The following TJP3 variants were observed in gnomAD, a reference collection of about 807,000 sequenced individuals.
TJP3 encodes the protein tight junction protein 3.
In TJP3, 85 loss-of-function variants were observed where a neutral mutation model predicts 104.2. The ratio of observed to expected loss-of-function variants is 0.82; its 90% CI spans 0.68 to 0.98. The LOEUF is 0.98. TJP3 is among the 50% of genes least tolerant of loss of function. TJP3 has a pLI of 0.00. For synonymous variants in TJP3, 550 were observed against 550.6 expected (o/e 1.00, Z 0.02); for missense variants, 1,367 against 1,322.8 (o/e 1.03, Z -0.52).
chr19:3,722,986 G>A (rs184039744), intron 1 of TJP3, among the ~76,000 whole-genome samples: 1 of 151,762 alleles, frequency 6.6e-6, no homozygotes, highest in East Asian at 1.9e-4. Flanking sequence ...GGCGGGGGGC[G>A]GGGACAAAGA....
Position 3,730,429 on chromosome 19 carries a change from G to C in TJP3, c.336G>C (p.Ser112=). The change falls in exon 5 of 21, where the codon TCG becomes TCC. Residue 112 remains serine (S), a synonymous_variant. Transcript: ENST00000541714. This position sits in a 1 kb window ranked among gnomAD's most constrained non-coding sequence, Gnocchi z 7.3. The part of the protein sequence containing the change: ...ASPSSPGRQD[S]DEDDGPQRVE... ...CCTCCAGCCCAGGGCGCCAGGACTC[G>C]GATGAAGACGATGGGCCCCAGCGGG... The C allele has an allele frequency of 6.3e-7, 1 of 1,590,874 alleles. No individual in the cohort carries two copies. The highest frequency in any genetic ancestry group is 1.8e-5 in the Admixed American group (1 of 56,084).
intron 1 of TJP3, among the ~76,000 whole-genome samples, chr19:3,723,761 C>T (rs1486111290): frequency 6.7e-6 from 1 of 148,216 alleles, no homozygotes; most frequent in African/African-American, 2.5e-5. Context: ...TCACTACACT[C>T]CAGCCTGGGT....
At chr19:3,738,735 G>A in intron 12 of TJP3, 72 bp downstream of exon 12, 16 of 1,422,770 alleles carry the variant, frequency 1.1e-5, no homozygotes, top group Admixed American at 1.8e-5. Context: ...CTGGTGGTGA[G>A]TGCAGGGATG....
intron 6 of TJP3, 50 bp from the exon 7 acceptor site, chr19:3,733,703 C>T (rs1236366022): frequency 2.5e-6 from 4 of 1,604,510 alleles, no homozygotes; most frequent in South Asian, 2.2e-5. Flanking sequence ...TCTACTGTCT[C>T]CCATCTCTCA....
In TJP3 at chr19:3,727,718, GA is replaced by G. The variant is rs2036614978; in HGVS notation, c.-9-703del. The stretch of plus-strand genomic sequence containing the variant: ...TTGAGACCAGCCTGGCCAACATGGT[GA>G]AATCCCGTCTCTACTAAAAATAGAA... On this transcript the variant is annotated intron_variant, in intron 1 of 20. Transcript: ENST00000541714. 6.6e-5 allele frequency among the ~76,000 whole-genome samples: 10 copies of G among 152,230 alleles called. 1 individual carries two copies. In the South Asian group the frequency reaches 2.1e-3, roughly 32 times the overall value.
At chr19:3,724,677 C>A (rs888580079) in intron 1 of TJP3, among the ~76,000 whole-genome samples, 1 of 152,190 alleles carries the variant, frequency 6.6e-6, no homozygotes, top group African/African-American at 2.4e-5. Context: ...GCTGGGACCA[C>A]AGGTGCATGC....
intron 13 of TJP3, 109 bp from the exon 14 acceptor site, chr19:3,740,443 T>C: frequency 1.9e-6 from 1 of 516,278 alleles, no homozygotes; most frequent in East Asian, 3.4e-5. Context: ...GAGTCCCTTT[T>C]GCCATACAAA....
At chr19:3,750,057 G>GA in intron 19 of TJP3, 81 bp from the exon 20 acceptor site, 3 of 1,580,026 alleles carry the variant, frequency 1.9e-6, no homozygotes, top group Non-Finnish European at 2.6e-6. Context: ...CAAGGTGGGG[G>GA]ATGGGATGGA....
At chr19:3,750,465 C>T in intron 20 of TJP3, 117 bp from the exon 21 acceptor site, 1 of 893,262 alleles carries the variant, frequency 1.1e-6, no homozygotes, top group Non-Finnish European at 1.8e-6. Context: ...CCATGAATGC[C>T]CAGATGTGCT....
Position 3,738,979 on chromosome 19 carries a change from T to G in TJP3, c.1476T>G (p.Ser492=). 3 of 1,613,312 alleles carry G rather than the reference T, an allele frequency of 1.9e-6. No individual in the cohort carries two copies. The highest frequency in any genetic ancestry group is 1.7e-6 in the Non-Finnish European group (2 of 1,179,854). ...TTGAGCTGGAGCCCAGTCCACCGTC[T>G]GGCCTGGGCTTCACCCGTGGCGACG... ...THFELEPSPP[S]GLGFTRGDVF... is the part of the protein sequence containing the mutation. Residue 492 remains serine (S), a synonymous_variant, in exon 13 of 21, where the codon TCT becomes TCG. Transcript: ENST00000541714.
chr19:3,731,563 G>A (rs1290779476), intron 5 of TJP3, among the ~76,000 whole-genome samples: 1 of 152,130 alleles, frequency 6.6e-6, no homozygotes, highest in South Asian at 2.1e-4. Context: ...AACCCGGGAG[G>A]TAGAGGTTGC....
chr19:3,739,280 A>G (rs2036780445), intron 13 of TJP3, 146 bp downstream of exon 13: 1 of 645,792 alleles, frequency 1.5e-6, no homozygotes, highest in Non-Finnish European at 2.5e-6. Flanking sequence ...TCATGAGGTC[A>G]AGAGATCGAG....
Position 3,739,035 on chromosome 19 carries a change from GC to G in TJP3, c.1536del (p.Gln514ArgfsTer85). 6.2e-7 allele frequency: 1 copy of G among 1,611,690 alleles called. No individual in the cohort carries two copies. Among genetic ancestry groups the G allele is most frequent in the Non-Finnish European group, 8.5e-7 (1 of 1,179,086 alleles). On this transcript the variant is annotated frameshift_variant, in exon 13 of 21. Transcript: ENST00000541714. LOFTEE classifies it high-confidence loss of function. ...VFHVLDTLHP[G>X]PGQSHARGGH... ...CACGTGCTGGACACGCTGCACCCCGGCCCCGGGCAGAGCCACGCACGAGGAG... is the reference window on the plus strand; with the variant it reads ...CACGTGCTGGACACGCTGCACCCCGGCCCGGGCAGAGCCACGCACGAGGAG...
rs553604437 is a variant in TJP3 at position 3,750,778 on chromosome 19, C to T, written c.*94C>T. 1,311 of 1,148,822 alleles carry T rather than the reference C, an allele frequency of 1.1e-3. 2 individuals are homozygous for T. The highest frequency in any genetic ancestry group is 1.5e-3 in the Non-Finnish European group (1,170 of 788,834). The allele number at this position is 1,148,822 out of a possible 1,614,324, so 71.2% of individuals were successfully genotyped here. A position where few individuals can be genotyped will look rare whatever the true frequency, so the allele number is the denominator to read the frequency against. The stretch of plus-strand genomic sequence containing the variant: ...CAGAACCCACAACCTTACCTCCCTC[C>T]GCCTGGTCTTTAATAAACAGAGTAT... On this transcript the variant is annotated 3_prime_UTR_variant, in exon 21 of 21. Coordinates refer to ENST00000541714, the MANE Select transcript of TJP3 (RefSeq NM_001267560.2).
rs1313665566 is a variant in TJP3 at position 3,730,427 on chromosome 19, T to C, written c.334T>C (p.Ser112Pro). ...ASPSSPGRQDSDEDDGPQRVE... is the reference protein window; with the variant it reads ...ASPSSPGRQDPDEDDGPQRVE... ...CCCCTCCAGCCCAGGGCGCCAGGAC[T>C]CGGATGAAGACGATGGGCCCCAGCG... Residue 112 changes from serine (S) to proline (P), a missense_variant, in exon 5 of 21, where the codon TCG becomes CCG. Transcript: ENST00000541714. The surrounding 1 kb of genome is among the most constrained non-coding windows in gnomAD (Gnocchi z 7.3). 2 of 1,591,452 alleles carry C rather than the reference T, an allele frequency of 1.3e-6. No individual in the cohort carries two copies.
intron 8 of TJP3, 82 bp from the exon 9 acceptor site, chr19:3,735,484 C>T (rs1390472135): frequency 2.9e-6 from 4 of 1,399,174 alleles, no homozygotes; most frequent in Non-Finnish European, 4.1e-6. Context: ...CAGGCATGAA[C>T]CACCGTGCCC....
intron 1 of TJP3, among the ~76,000 whole-genome samples, chr19:3,712,301 G>A (rs1372583024): frequency 1.3e-5 from 2 of 152,148 alleles, no homozygotes; most frequent in Admixed American, 6.6e-5. Context: ...CAGAGACAGA[G>A]CAAGACTCCA....
chr19:3,733,353 G>A (rs763246060), intron 6 of TJP3, among the ~76,000 whole-genome samples: 12 of 152,148 alleles, frequency 7.9e-5, no homozygotes, highest in Non-Finnish European at 1.6e-4. Context: ...TCTGTTTCTA[G>A]TTATCTCCCA....
intron 1 of TJP3, among the ~76,000 whole-genome samples, chr19:3,712,777 C>T (rs977888780): frequency 3.3e-5 from 5 of 151,684 alleles, no homozygotes; most frequent in Admixed American, 6.6e-5. Flanking sequence ...AGCGAGATAC[C>T]GTCTCTACAA....
Sources: gnomAD v4.1 joint callset for allele counts (sites outside exome capture counted in the v4.1 genomes callset) on GRCh38, gnomAD v4.1.1 for gene constraint, Gnocchi (gnomAD v3.1) non-coding constraint, MANE v1.5 for transcripts, NCBI Gene and HGNC (gene_info 2026-07-23, HGNC 2026-07-21) for gene names.